CREBBP: variants seen among roughly 807,000 people sequenced by gnomAD.
CREBBP encodes CREB binding lysine acetyltransferase, also known as CREB-binding protein.
In CREBBP, 19 loss-of-function variants were observed where a neutral mutation model predicts 265.0. That is an observed-to-expected ratio of 0.07 (90% CI 0.05 to 0.11). The LOEUF is 0.11. CREBBP is among the 10% of genes least tolerant of loss of function. The probability of loss-of-function intolerance (pLI) is 1.00; values close to 1 mark genes in which losing one functional copy is unlikely to be tolerated. For missense variants in CREBBP, 2,525 were observed against 3,219.0 expected, an observed-to-expected ratio of 0.78 and a Z score of 5.22; for synonymous variants, 1,457 against 1,223.7, an observed-to-expected ratio of 1.19 and a Z score of -3.98.
In CREBBP at chr16:3,739,597, A is replaced by C; in HGVS notation, c.4261T>G (p.Cys1421Gly). The C allele has an allele frequency of 6.2e-7, 1 of 1,614,220 alleles. No homozygotes were observed. Among genetic ancestry groups the C allele is most frequent in the Non-Finnish European group, 8.5e-7 (1 of 1,180,032 alleles). The change falls in exon 25 of 31, where the codon TGC (cysteine) becomes GGC (glycine). Residue 1421 changes from cysteine (C) to glycine (G), a missense_variant. By Grantham distance (159) the Cys-to-Gly change is radical. Around this residue, in one of 19 missense-constraint regions of CREBBP, gnomAD observed 252 missense variants for 452.5 expected, o/e 0.56. Coordinates refer to ENST00000262367, the MANE Select transcript of CREBBP (RefSeq NM_004380.3). ...GMHVQEYGSD[C>G]PPPNTRRVYI... ...AACTACCTCGTGTTTGGAGGGGGGC[A>C]ATCAGAGCCGTATTCTTGGACGTGC...
At chr16:3,849,473 G>GACCT (rs2054776409) in intron 2 of CREBBP, among the ~76,000 whole-genome samples, 1 of 126,508 alleles carries the variant, frequency 7.9e-6, no homozygotes, top group Non-Finnish European at 1.7e-5. Flanking sequence ...GTGTGTGTGT[G>GACCT]TGTGTGTGTG....
At chr16:3,790,652 G>A (rs922663422) in intron 5 of CREBBP, among the ~76,000 whole-genome samples, 1 of 152,140 alleles carries the variant, frequency 6.6e-6, no homozygotes, top group Non-Finnish European at 1.5e-5. Flanking sequence ...GCCTGGCCAG[G>A]AAACTGGCTT....
At chr16:3,818,947 C>T (rs971650580) in intron 2 of CREBBP, among the ~76,000 whole-genome samples, 3 of 152,232 alleles carry the variant, frequency 2.0e-5, no homozygotes, top group Non-Finnish European at 4.4e-5. Flanking sequence ...CTCCCCACAG[C>T]CCCCACTAGA....
intron 2 of CREBBP, among the ~76,000 whole-genome samples, chr16:3,815,576 C>A (rs1282994739): frequency 7.6e-6 from 1 of 132,320 alleles, no homozygotes; most frequent in Non-Finnish European, 1.6e-5. Flanking sequence ...GTAAAGCTGG[C>A]TTTATTTTCA....
chr16:3,754,320 G>A (rs965992789), intron 19 of CREBBP, among the ~76,000 whole-genome samples: 1 of 152,194 alleles, frequency 6.6e-6, no homozygotes, highest in African/African-American at 2.4e-5. Flanking sequence ...AACCCTGGCA[G>A]TCTATGAGTG....
In CREBBP at chr16:3,801,831, T is replaced by C. The variant is rs374171491; in HGVS notation, c.976-8205A>G. On this transcript the variant is annotated intron_variant, in intron 3 of 30. Coordinates refer to ENST00000262367, the MANE Select transcript of CREBBP (RefSeq NM_004380.3). ...TTTCTGGAGCGAGGATCATTTCACA[T>C]GCAATTTGTAATGTGGAAGGAGGAG... is the stretch of plus-strand genomic sequence containing the variant. Among the ~76,000 whole-genome samples the C allele has an allele frequency of 4.3e-4, 66 of 152,286 alleles. 3 individuals are homozygous for C. The South Asian group carries it at 0.013, about 29-fold the overall frequency.
At chr16:3,740,324 C>T (rs2052171599) in intron 24 of CREBBP, 75 bp downstream of exon 24, 1 of 1,579,612 alleles carries the variant, frequency 6.3e-7, no homozygotes, top group Admixed American at 1.7e-5. Context: ...AACTCAAGAG[C>T]TTTGCAGAGA....
At chr16:3,857,403 C>T (rs1048284114) in intron 1 of CREBBP, among the ~76,000 whole-genome samples, 11 of 152,168 alleles carry the variant, frequency 7.2e-5, no homozygotes, top group African/African-American at 2.7e-4. Context: ...ATAGGGCGCA[C>T]ACGTAGTCGT....
rs774152203 is a variant in CREBBP at position 3,773,944 on chromosome 16, A to G, written c.2284-14T>C. 8.7e-6 allele frequency: 14 copies of G among 1,612,056 alleles called. No individual in the cohort carries two copies. In the African/African-American group the frequency reaches 1.5e-4, roughly 17 times the overall value. ...AGAAATGGCCATCTACGAGACAACA[A>G]GCACCACCAGAGCTGTAGTTCGGAA... On this transcript the variant is annotated splice_polypyrimidine_tract_variant and intron_variant, in intron 12 of 30. Transcript: ENST00000262367.
At chr16:3,765,882 C>G (rs1183746746) in intron 16 of CREBBP, among the ~76,000 whole-genome samples, 2 of 152,060 alleles carry the variant, frequency 1.3e-5, no homozygotes, top group African/African-American at 4.8e-5. Flanking sequence ...GAGCTCCAGG[C>G]TAGAGTGCAG....
intron 14 of CREBBP, among the ~76,000 whole-genome samples, chr16:3,770,162 G>A (rs565922043): frequency 2.0e-5 from 3 of 152,236 alleles, no homozygotes; most frequent in East Asian, 3.9e-4. Flanking sequence ...GAACCACCGC[G>A]CCCAGCCTCA....
rs1053422306 is a variant in CREBBP at position 3,725,328 on chromosome 16, T to A, written c.*2390A>T. On this transcript the variant is annotated 3_prime_UTR_variant, in exon 31 of 31. Coordinates refer to ENST00000262367, the MANE Select transcript of CREBBP (RefSeq NM_004380.3). ...CTCCAAAGAGGATGAGGTTGGTACA[T>A]AACGTTTTGAATTCCAGGATAACCT... 1 of 233,176 alleles carries A rather than the reference T, an allele frequency of 4.3e-6. No individual in the cohort carries two copies. The highest frequency in any genetic ancestry group is 8.5e-6 in the Non-Finnish European group (1 of 117,992). 14.4% of individuals were successfully genotyped at this position (233,176 alleles called of 1,614,324 possible).
rs2051904864 is a variant in CREBBP, at chr16:3,731,174, G to A, written c.5172+18C>T. On this transcript the variant is annotated intron_variant, in intron 30 of 30. Coordinates refer to ENST00000262367, the MANE Select transcript of CREBBP (RefSeq NM_004380.3). The surrounding 1 kb of genome is among the most constrained non-coding windows in gnomAD (Gnocchi z 7.7). The stretch of plus-strand genomic sequence containing the variant: ...ACCCCAGGCCGGCTGTGGGGGTGGG[G>A]GTGGGGGCAGGGCCTACCTCGCACA... The A allele has an allele frequency of 1.9e-6, 3 of 1,605,204 alleles. No individual in the cohort carries two copies. Among genetic ancestry groups the A allele is most frequent in the Non-Finnish European group, 2.6e-6 (3 of 1,174,532 alleles).
intron 3 of CREBBP, 44 bp downstream of exon 3, chr16:3,810,559 C>A (rs774353756): frequency 6.2e-7 from 1 of 1,603,876 alleles, no homozygotes; most frequent in South Asian, 1.1e-5. Flanking sequence ...CAGACCACAG[C>A]ACCCACCGGA....
At chr16:3,768,134 G>GTGTGTTTTTTTTT (rs2052904293) in intron 15 of CREBBP, among the ~76,000 whole-genome samples, 1 of 58,996 alleles carries the variant, frequency 1.7e-5, no homozygotes, top group African/African-American at 7.7e-5. Context: ...AAATTTAAAA[G>GTGTGTTTTTTTTT]TGTTTTTTTT....
chr16:3,819,511 G>C (rs2054102539), intron 2 of CREBBP, among the ~76,000 whole-genome samples: 1 of 152,222 alleles, frequency 6.6e-6, no homozygotes, highest in African/African-American at 2.4e-5. Context: ...AACGTGTAAT[G>C]GTGGAGAGTG....
chr16:3,766,588 T>G (rs1279182808), intron 16 of CREBBP, among the ~76,000 whole-genome samples: 3 of 152,098 alleles, frequency 2.0e-5, no homozygotes, highest in African/African-American at 7.2e-5. Context: ...TGCAGTGATG[T>G]GATCTGGGCT....
chr16:3,826,925 G>A (rs1472401964), intron 2 of CREBBP, among the ~76,000 whole-genome samples: 1 of 152,176 alleles, frequency 6.6e-6, no homozygotes, highest in Non-Finnish European at 1.5e-5. Context: ...TAGGAAGTGC[G>A]TGGATGGTGG....
chr16:3,728,992 C>G lies in CREBBP; in HGVS notation c.6055G>C (p.Gly2019Arg), dbSNP rs372852842. The change falls in exon 31 of 31, where the codon GGG becomes CGG. Residue 2019 changes from glycine (G) to arginine (R), a missense_variant. By Grantham distance (125) the Gly-to-Arg change is moderately radical. This residue lies in a region of CREBBP where 275 missense variants were observed against 276.5 expected (regional missense o/e 0.99). Coordinates refer to ENST00000262367, the MANE Select transcript of CREBBP (RefSeq NM_004380.3). This position sits in a 1 kb window ranked among gnomAD's most constrained non-coding sequence, Gnocchi z 8.7. ...GGAAGGGGCGCCTGCTGCCACTGCC[C>G]GGGAGGCATGCTGGGCATGACGGGC... ...SGPVMPSMPP[G>R]QWQQAPLPQQ... 6.3e-7 allele frequency: 1 copy of G among 1,595,068 alleles called. No individual in the cohort carries two copies. The highest frequency in any genetic ancestry group is 8.5e-7 in the Non-Finnish European group (1 of 1,176,230).
Sources: gnomAD v4.1 joint callset for allele counts (sites outside exome capture counted in the v4.1 genomes callset) on GRCh38, gnomAD v4.1.1 for gene constraint, gnomAD v4.1.1 regional missense constraint, Gnocchi (gnomAD v3.1) non-coding constraint, MANE v1.5 for transcripts, NCBI Gene and HGNC (gene_info 2026-07-23, HGNC 2026-07-21) for gene names.